DNAJA3: variants seen among roughly 807,000 people sequenced by gnomAD.
DNAJA3 encodes the protein dnaJ homolog subfamily A member 3, mitochondrial.
Under a neutral mutation model 54.9 loss-of-function variants are expected in DNAJA3, and 29 were observed. The ratio of observed to expected loss-of-function variants is 0.53; its 90% CI spans 0.39 to 0.72. The LOEUF is 0.72. DNAJA3 is among the 30% of genes least tolerant of loss of function. The pLI, the probability that DNAJA3 is intolerant of heterozygous loss-of-function variation, is 0.00. For synonymous variants in DNAJA3, 302 were observed against 251.4 expected (o/e 1.20, Z -1.90); for missense variants, 708 against 639.4 (o/e 1.11, Z -1.16).
At chr16:4,446,739 G>A (rs2056905913) in intron 7 of DNAJA3, 147 bp from the exon 8 acceptor site, 1 of 891,366 alleles carries the variant, frequency 1.1e-6, no homozygotes, top group South Asian at 1.7e-5. Flanking sequence ...CTTGTTGGAA[G>A]GACAGTTCTT....
chr16:4,436,661 G>A (rs566714999), intron 2 of DNAJA3, among the ~76,000 whole-genome samples: 1 of 151,966 alleles, frequency 6.6e-6, no homozygotes, highest in Admixed American at 6.6e-5. Flanking sequence ...TCAGCCTCCC[G>A]AGTACCTGTG....
At chr16:4,449,197 C>T (rs750153936) in intron 9 of DNAJA3, among the ~76,000 whole-genome samples, 11 of 151,436 alleles carry the variant, frequency 7.3e-5, no homozygotes, top group East Asian at 2.0e-4. Context: ...GGGGTTTCAC[C>T]GTGTTAGCCA....
chr16:4,454,631 C>A (rs1194986460), intron 10 of DNAJA3, among the ~76,000 whole-genome samples, 180 bp from the exon 11 acceptor site: 1 of 152,218 alleles, frequency 6.6e-6, no homozygotes, highest in Non-Finnish European at 1.5e-5. Flanking sequence ...TCACCTCAGT[C>A]GTCTGCAAGG....
chr16:4,443,288 T>C lies in DNAJA3; in HGVS notation c.931+124T>C. 6 of 1,268,762 alleles carry C rather than the reference T, an allele frequency of 4.7e-6. No homozygotes were observed. The South Asian group carries it at 9.3e-5, about 20-fold the overall frequency. 78.6% of individuals were successfully genotyped at this position (1,268,762 alleles called of 1,614,324 possible). A position where few individuals can be genotyped will look rare whatever the true frequency, so the allele number is the denominator to read the frequency against. The stretch of plus-strand genomic sequence containing the variant: ...GCACTGAGTGTGAGTGGGCTCTTGG[T>C]AGAAGTTATGGTTGAGGCCCTGGAG... On this transcript the variant is annotated intron_variant, in intron 6 of 11. Coordinates refer to ENST00000262375, the MANE Select transcript of DNAJA3 (RefSeq NM_005147.6).
At chr16:4,426,390 C>T (rs2056623342) in intron 1 of DNAJA3, among the ~76,000 whole-genome samples, 1 of 152,336 alleles carries the variant, frequency 6.6e-6, no homozygotes, top group African/African-American at 2.4e-5. Flanking sequence ...CTCTTCCTTT[C>T]CCATCTCTCC....
intron 8 of DNAJA3, among the ~76,000 whole-genome samples, chr16:4,448,281 C>T (rs983328283): frequency 4.1e-4 from 59 of 142,638 alleles, no homozygotes; most frequent in African/African-American, 5.5e-4. Flanking sequence ...TGCCTCAGCC[C>T]CCCAAAGTGC....
chr16:4,431,312 G>C (rs1369849267), intron 1 of DNAJA3, among the ~76,000 whole-genome samples: 1 of 152,232 alleles, frequency 6.6e-6, no homozygotes, highest in Non-Finnish European at 1.5e-5. Context: ...GTCAGGTCTA[G>C]TGTTTTCTCA....
chr16:4,430,826 T>G (rs980046717), intron 1 of DNAJA3: 2 of 151,078 alleles, frequency 1.3e-5, no homozygotes, highest in African/African-American at 4.9e-5. Flanking sequence ...GGCGGATCAC[T>G]TGAGGTCAGG....
At chr16:4,437,946 A>G (rs951746806) in intron 3 of DNAJA3, among the ~76,000 whole-genome samples, 91 of 151,662 alleles carry the variant, frequency 6.0e-4, no homozygotes, top group African/African-American at 2.2e-3. Flanking sequence ...ACAGAAAAAG[A>G]CCTTCTCTCA....
intron 1 of DNAJA3, chr16:4,430,587 T>A (rs971024855): frequency 6.6e-6 from 1 of 150,784 alleles, no homozygotes; most frequent in Non-Finnish European, 1.5e-5. Context: ...AAGAAAGCAG[T>A]TGTTGGACAG....
In DNAJA3 at chr16:4,444,756, G is replaced by T. The variant is rs781055743; in HGVS notation, c.996+28G>T. 19 of 1,607,366 alleles carry T rather than the reference G, an allele frequency of 1.2e-5. No individual in the cohort carries two copies. The South Asian group carries it at 2.0e-4, about 17-fold the overall frequency. On this transcript the variant is annotated intron_variant, in intron 7 of 11. Coordinates refer to ENST00000262375, the MANE Select transcript of DNAJA3 (RefSeq NM_005147.6). ...AGGTGCCCTGCCCCGCACAGCTTCT[G>T]TTGGGCCTTTCCTCTCTTCGGGTGG... is the stretch of plus-strand genomic sequence containing the variant.
chr16:4,436,646 C>A (rs989015537), intron 2 of DNAJA3, among the ~76,000 whole-genome samples: 3 of 151,752 alleles, frequency 2.0e-5, no homozygotes, highest in African/African-American at 7.3e-5. Context: ...AGCAATTCTC[C>A]TGCCTCAGCC....
chr16:4,431,764 G>A (rs1283322603), intron 1 of DNAJA3: 1 of 152,000 alleles, frequency 6.6e-6, no homozygotes, highest in Admixed American at 6.6e-5. Context: ...TTTTAGTAGA[G>A]ACAAGATTTC....
chr16:4,437,575 C>T (rs2056786656), intron 3 of DNAJA3, 90 bp downstream of exon 3: 2 of 1,048,502 alleles, frequency 1.9e-6, no homozygotes, highest in Non-Finnish European at 1.5e-6. Context: ...CCTGGTGTGT[C>T]ATACAGTCCA....
In DNAJA3 at chr16:4,439,482, C is replaced by T. The variant is rs563965160; in HGVS notation, c.430-1893C>T. Among the ~76,000 whole-genome samples, 274 of 152,256 alleles carry T rather than the reference C, an allele frequency of 1.8e-3. 2 individuals are homozygous for T. The highest frequency in any genetic ancestry group is 3.2e-3 in the Non-Finnish European group (221 of 68,022). On this transcript the variant is annotated intron_variant, in intron 3 of 11. Transcript: ENST00000262375. ...AGTTTTCCTGCCTCAACCTCAACTT[C>T]CTGAGTAGCTGGGACTACAGGTTCC...
Position 4,444,694 on chromosome 16 carries a change from C to T in DNAJA3, c.962C>T (p.Pro321Leu), listed in dbSNP as rs762777837. Residue 321 changes from proline (P) to leucine (L), a missense_variant, in exon 7 of 12, where the codon CCT becomes CTT. Physicochemically the swap from Pro to Leu is moderately conservative, Grantham distance 98. Transcript: ENST00000262375. ...GVEDGQTVRM[P>L]VGKREIFITF... ...GAGGATGGCCAGACCGTGAGGATGC[C>T]TGTGGGAAAAAGGGAAATTTTCATT... 1.2e-6 allele frequency: 2 copies of T among 1,614,032 alleles called. No homozygotes were observed. Among genetic ancestry groups the T allele is most frequent in the Non-Finnish European group, 8.5e-7 (1 of 1,180,020 alleles).
At chr16:4,433,981 T>G (rs1171013387) in intron 1 of DNAJA3, 5 of 228,358 alleles carry the variant, frequency 2.2e-5, no homozygotes, top group Non-Finnish European at 1.7e-5. Flanking sequence ...TGGGTAAATT[T>G]TAAAGGAAAG....
At chr16:4,434,550 T>G in intron 2 of DNAJA3, 33 bp downstream of exon 2, 1 of 1,603,050 alleles carries the variant, frequency 6.2e-7, no homozygotes, top group Non-Finnish European at 8.5e-7. Context: ...GGTGACCAAA[T>G]TGTAGTAGGA....
chr16:4,429,879 C>T (rs895602280), intron 1 of DNAJA3, among the ~76,000 whole-genome samples: 4 of 152,016 alleles, frequency 2.6e-5, no homozygotes, highest in African/African-American at 9.7e-5. Context: ...TGCCTGTACT[C>T]CCAGCTGCTT....
Sources: gnomAD v4.1 joint callset for allele counts (sites outside exome capture counted in the v4.1 genomes callset) on GRCh38, gnomAD v4.1.1 for gene constraint, MANE v1.5 for transcripts, NCBI Gene and HGNC (gene_info 2026-07-23, HGNC 2026-07-21) for gene names.